The following NBAS variants were observed in gnomAD, a reference collection of about 807,000 sequenced individuals.
The protein encoded by NBAS is NAG/BC035112 fusion.
Under a neutral mutation model 302.5 loss-of-function variants are expected in NBAS, and 219 were observed. That is an observed-to-expected ratio of 0.72 (90% CI 0.65 to 0.81). The LOEUF (loss-of-function observed/expected upper bound fraction) is 0.81, where lower values mean the gene tolerates loss of function less well. NBAS is among the 30% of genes least tolerant of loss of function. NBAS has a pLI of 0.00. For missense variants in NBAS, 2,932 were observed against 2,841.6 expected, an observed-to-expected ratio of 1.03 and a Z score of -0.72; for synonymous variants, 1,118 against 1,021.6, an observed-to-expected ratio of 1.09 and a Z score of -1.80.
intron 38 of NBAS, among the ~76,000 whole-genome samples, chr2:15,315,952 T>C (rs1442602712): frequency 6.6e-6 from 1 of 152,110 alleles, no homozygotes; most frequent in East Asian, 1.9e-4. Flanking sequence ...AAACCCACAC[T>C]TGGAAGTTTC....
At chr2:15,223,945 A>G (rs1667057771) in intron 47 of NBAS, among the ~76,000 whole-genome samples, 1 of 152,146 alleles carries the variant, frequency 6.6e-6, no homozygotes, top group Non-Finnish European at 1.5e-5. Flanking sequence ...TGGGGAGGGG[A>G]TATTACACTG....
At chr2:15,537,158 T>C (rs1208161115) in intron 7 of NBAS, among the ~76,000 whole-genome samples, 1 of 152,198 alleles carries the variant, frequency 6.6e-6, no homozygotes, top group Non-Finnish European at 1.5e-5. Context: ...CACTTTGGCA[T>C]AAGGATTATT....
the NBAS span, among the ~76,000 whole-genome samples, chr2:14,962,252 G>A: frequency 1.6e-4 from 25 of 152,222 alleles, no homozygotes; most frequent in African/African-American, 6.0e-4. Context: ...TGGGACATGG[G>A]AGATTTGAAA....
At chr2:15,468,133 A>G (rs1679803879) in intron 17 of NBAS, among the ~76,000 whole-genome samples, 1 of 108,040 alleles carries the variant, frequency 9.3e-6, no homozygotes, top group African/African-American at 3.3e-5. Context: ...CTTCTACTTA[A>G]GGTCTTCAAA....
intron 25 of NBAS, among the ~76,000 whole-genome samples, chr2:15,408,534 C>T (rs1338913337): frequency 1.3e-5 from 2 of 152,174 alleles, no homozygotes; most frequent in Non-Finnish European, 2.9e-5. Context: ...TCATGAAGTA[C>T]ATCCTTGAAT....
the NBAS span, among the ~76,000 whole-genome samples, chr2:14,920,188 T>A: frequency 1.3e-5 from 2 of 152,176 alleles, no homozygotes; most frequent in African/African-American, 4.8e-5. Flanking sequence ...CTTATGTACA[T>A]CTCTATCAGA....
chr2:15,168,264 T>G (rs1664126645), intron 51 of NBAS, among the ~76,000 whole-genome samples: 1 of 152,214 alleles, frequency 6.6e-6, no homozygotes, highest in South Asian at 2.1e-4. Context: ...AACTAACGTT[T>G]AGACCAACTA....
chr2:15,325,063 G>A (rs1366450113), intron 38 of NBAS, among the ~76,000 whole-genome samples: 1 of 152,148 alleles, frequency 6.6e-6, no homozygotes, highest in Non-Finnish European at 1.5e-5. Flanking sequence ...CAGTTTGAGA[G>A]AGTCTACTCC....
chr2:15,257,246 G>A (rs1668641628), intron 44 of NBAS, among the ~76,000 whole-genome samples: 1 of 152,028 alleles, frequency 6.6e-6, no homozygotes, highest in Non-Finnish European at 1.5e-5. Context: ...TCTGTTCAGA[G>A]TTTCTATTTC....
chr2:15,504,185 A>G lies in NBAS; in HGVS notation c.914T>C (p.Met305Thr), dbSNP rs1054518207. Residue 305 changes from methionine (M) to threonine (T), a missense_variant, in exon 11 of 52, where the codon ATG becomes ACG. Transcript: ENST00000281513. ...AVPKTLGLLR[M>T]LSVKFYSRQG... ...GCGACTGTAAAACTTGACACTTAAC[A>G]TCCTTAATAATCCCAGTGTCTTCGG... The G allele has an allele frequency of 6.2e-7, 1 of 1,613,312 alleles. No individual in the cohort carries two copies. Among genetic ancestry groups the G allele is most frequent in the Non-Finnish European group, 8.5e-7 (1 of 1,179,396 alleles).
chr2:14,871,666 T>C, the NBAS span, among the ~76,000 whole-genome samples: 19 of 152,228 alleles, frequency 1.2e-4, no homozygotes, highest in African/African-American at 4.6e-4. Context: ...AAGAGAAGTA[T>C]ATTACTGTAA....
At chr2:15,186,102 AC>A (rs1665066226) in intron 50 of NBAS, among the ~76,000 whole-genome samples, 1 of 149,776 alleles carries the variant, frequency 6.7e-6, no homozygotes, top group East Asian at 2.0e-4. Context: ...ACACACACAC[AC>A]ACACACATAT....
At chr2:15,095,118 G>T in the NBAS span, among the ~76,000 whole-genome samples, 2 of 152,094 alleles carry the variant, frequency 1.3e-5, no homozygotes, top group Non-Finnish European at 2.9e-5. Flanking sequence ...ATGCATAGGA[G>T]GTGGCCCTGC....
intron 21 of NBAS, among the ~76,000 whole-genome samples, chr2:15,457,640 C>T (rs1679309922): frequency 6.6e-6 from 1 of 152,322 alleles, no homozygotes; most frequent in South Asian, 2.1e-4. Flanking sequence ...CATCCTCAAT[C>T]CCTACCACAG....
chr2:15,186,107 C>T (rs1049707349), intron 50 of NBAS, among the ~76,000 whole-genome samples: 5 of 140,254 alleles, frequency 3.6e-5, no homozygotes, highest in Admixed American at 3.5e-4. Flanking sequence ...CACACACACA[C>T]ACATATGTGT....
the NBAS span, among the ~76,000 whole-genome samples, chr2:14,955,586 TA>T: frequency 6.6e-5 from 10 of 152,350 alleles, no homozygotes; most frequent in African/African-American, 2.2e-4. Context: ...AGACATCCTC[TA>T]AGATCTAGGC....
At chr2:15,307,094 A>G (rs1414783892) in intron 40 of NBAS, among the ~76,000 whole-genome samples, 3 of 152,180 alleles carry the variant, frequency 2.0e-5, no homozygotes, top group Non-Finnish European at 4.4e-5. Context: ...TGGCTGTGAC[A>G]GGTGGGGATC....
chr2:14,828,084 G>A, the NBAS span, among the ~76,000 whole-genome samples: 1 of 152,094 alleles, frequency 6.6e-6, no homozygotes, highest in Non-Finnish European at 1.5e-5. Context: ...TATGTTTATT[G>A]GATACTGATT....
At chr2:15,499,608 A>G (rs1409079737) in intron 11 of NBAS, among the ~76,000 whole-genome samples, 1 of 152,108 alleles carries the variant, frequency 6.6e-6, no homozygotes, top group African/African-American at 2.4e-5. Flanking sequence ...ACTGAGGTCT[A>G]TGAGCAGGTG....
Sources: gnomAD v4.1 joint callset for allele counts (sites outside exome capture counted in the v4.1 genomes callset) on GRCh38, gnomAD v4.1.1 for gene constraint, MANE v1.5 for transcripts, NCBI Gene and HGNC (gene_info 2026-07-23, HGNC 2026-07-21) for gene names.